The following GK5 variants were observed in gnomAD, a reference collection of about 807,000 sequenced individuals.
GK5 encodes glycerol kinase 5.
A neutral mutation model predicts 77.3 loss-of-function variants in GK5; 39 were observed. The ratio of observed to expected loss-of-function variants is 0.50; its 90% CI spans 0.39 to 0.66. The LOEUF is 0.66. Among genes scored for constraint, GK5 ranks in the 30% least tolerant of loss-of-function variants. The probability of loss-of-function intolerance (pLI) is 0.00; values close to 1 mark genes in which losing one functional copy is unlikely to be tolerated. For missense variants in GK5, 487 were observed against 633.8 expected, an observed-to-expected ratio of 0.77 and a Z score of 2.49; for synonymous variants, 211 against 208.0, an observed-to-expected ratio of 1.01 and a Z score of -0.13.
chr3:142,225,309 C>T lies in GK5; in HGVS notation c.147G>A (p.Lys49=). 1 of 1,540,170 alleles carries T rather than the reference C, an allele frequency of 6.5e-7. No individual in the cohort carries two copies. The highest frequency in any genetic ancestry group is 8.7e-7 in the Non-Finnish European group (1 of 1,143,750). Residue 49 remains lysine (K), a splice_region_variant and synonymous_variant, in exon 1 of 16, where the codon AAG becomes AAA. Coordinates refer to ENST00000392993, the MANE Select transcript of GK5 (RefSeq NM_001039547.3). Reference sequence around the variant, plus strand: ...CGCCCCACGCCCGCCCCCAAGTCACCTTCTGCACGCTGGAGCCGCAGACCC... The same window carrying T: ...CGCCCCACGCCCGCCCCCAAGTCACTTTCTGCACGCTGGAGCCGCAGACCC... ...AARVCGSSVQ[K]VENLYPQIGW...
At position 142,158,101 on chromosome 3, in the gene GK5, G is replaced by C. The variant is rs919621026; in HGVS notation, c.*7521C>G. The C allele has an allele frequency of 6.6e-6, 1 of 152,070 alleles. No individual in the cohort carries two copies. Among genetic ancestry groups the C allele is most frequent in the African/African-American group, 2.4e-5 (1 of 41,364 alleles). 9.4% of individuals were successfully genotyped at this position (152,070 alleles called of 1,614,324 possible). ...CGAGTAGCTGGGAGTACAGGCACCCGCCACCACGCCTGGCTAATTTTTTGT... is the reference window on the plus strand; with the variant it reads ...CGAGTAGCTGGGAGTACAGGCACCCCCCACCACGCCTGGCTAATTTTTTGT... On this transcript the variant is annotated 3_prime_UTR_variant, in exon 16 of 16. Coordinates refer to ENST00000392993, the MANE Select transcript of GK5 (RefSeq NM_001039547.3).
intron 5 of GK5, 150 bp from the exon 6 acceptor site, chr3:142,187,929 A>G: frequency 3.2e-6 from 2 of 615,580 alleles, no homozygotes; most frequent in Admixed American, 3.3e-5. Context: ...AAATGGTTCT[A>G]AGTGATTATT....
intron 4 of GK5, among the ~76,000 whole-genome samples, chr3:142,201,748 G>A (rs1464278113): frequency 6.6e-6 from 1 of 152,164 alleles, no homozygotes; most frequent in Non-Finnish European, 1.5e-5. Flanking sequence ...TTATACTATA[G>A]TTTTTCAAAA....
intron 5 of GK5, among the ~76,000 whole-genome samples, chr3:142,189,214 T>C (rs1340856392): frequency 7.9e-5 from 12 of 152,116 alleles, no homozygotes; most frequent in Admixed American, 6.6e-4. Flanking sequence ...ATAGCAGATG[T>C]TCCAAAAAAT....
chr3:142,204,602 C>G (rs774216995), intron 4 of GK5, 93 bp downstream of exon 4: 7 of 816,636 alleles, frequency 8.6e-6, no homozygotes, highest in Non-Finnish European at 1.3e-5. Flanking sequence ...TTCTTAATGT[C>G]CTAAAACAAA....
At chr3:142,195,764 G>A (rs2063925118) in intron 5 of GK5, among the ~76,000 whole-genome samples, 1 of 152,132 alleles carries the variant, frequency 6.6e-6, no homozygotes, top group African/African-American at 2.4e-5. Flanking sequence ...GAAAGAGCTG[G>A]GAAGTATCTC....
At chr3:142,196,243 C>A (rs937219984) in intron 5 of GK5, among the ~76,000 whole-genome samples, 1 of 151,934 alleles carries the variant, frequency 6.6e-6, no homozygotes, top group Admixed American at 6.6e-5. Context: ...TTTAGCTAAT[C>A]TTTTCAAAGA....
intron 11 of GK5, among the ~76,000 whole-genome samples, chr3:142,180,137 AT>A (rs1461062227): frequency 1.3e-5 from 2 of 152,102 alleles, no homozygotes; most frequent in African/African-American, 4.8e-5. Context: ...AGCTAAGAGT[AT>A]GGGGGGAAAT....
intron 15 of GK5, among the ~76,000 whole-genome samples, chr3:142,167,146 G>A (rs1247125883): frequency 6.6e-6 from 1 of 152,038 alleles, no homozygotes; most frequent in Non-Finnish European, 1.5e-5. Context: ...AGCCGAGGCG[G>A]GCAGATCATC....
chr3:142,215,630 T>C lies in GK5; in HGVS notation c.210A>G (p.Gln70=), dbSNP rs111228966. 340 of 1,593,236 alleles carry C rather than the reference T, an allele frequency of 2.1e-4. 3 individuals are homozygous for C. The African/African-American group carries it at 3.8e-3, about 18-fold the overall frequency. ...CTGCTTCTTTTATTACGGCAACAAA[T>C]TGAATCCAAAGAACATCAGGATCAA... ...VEIDPDVLWI[Q]FVAVIKEAVK... Residue 70 remains glutamine, a synonymous_variant, in exon 2 of 16, where the codon CAA becomes CAG. Coordinates refer to ENST00000392993, the MANE Select transcript of GK5 (RefSeq NM_001039547.3).
Position 142,158,899 on chromosome 3 carries a change from A to G in GK5, c.*6723T>C, listed in dbSNP as rs879036676. ...AGTATTAGTACCATACTCTATAATG[A>G]GCAAAGAAAGAATATGAGAACTCTT... On this transcript the variant is annotated 3_prime_UTR_variant, in exon 16 of 16. Coordinates refer to ENST00000392993, the MANE Select transcript of GK5 (RefSeq NM_001039547.3). 1 of 152,224 alleles carries G rather than the reference A, an allele frequency of 6.6e-6. No homozygotes were observed. Among genetic ancestry groups the G allele is most frequent in the South Asian group, 2.1e-4 (1 of 4,834 alleles). The allele number at this position is 152,224 out of a possible 1,614,324, so 9.4% of individuals were successfully genotyped here.
intron 5 of GK5, among the ~76,000 whole-genome samples, chr3:142,195,674 T>C (rs1168942063): frequency 6.6e-6 from 1 of 152,206 alleles, no homozygotes; most frequent in East Asian, 1.9e-4. Context: ...TTTGCATTTG[T>C]ATTCATAAGG....
chr3:142,177,436 A>T, intron 12 of GK5, 46 bp downstream of exon 12: 1 of 1,050,756 alleles, frequency 9.5e-7, no homozygotes, highest in South Asian at 1.4e-5. Flanking sequence ...ATGTGGCAGG[A>T]GGAGAAAAAT....
chr3:142,204,821 G>T, intron 3 of GK5, 33 bp from the exon 4 acceptor site: 1 of 1,176,330 alleles, frequency 8.5e-7, no homozygotes, highest in Non-Finnish European at 1.2e-6. Context: ...TTGAGACCCA[G>T]CATAAATCAG....
rs143594516 is a variant in GK5 at position 142,187,575 on chromosome 3, C to A, written c.619+129G>T. ...AGCCATGATTACACCATTGCACTCCCGCCTGGTTGACAGAGCGAGACCCTA... is the reference window on the plus strand; with the variant it reads ...AGCCATGATTACACCATTGCACTCCAGCCTGGTTGACAGAGCGAGACCCTA... On this transcript the variant is annotated intron_variant, in intron 6 of 15. Coordinates refer to ENST00000392993, the MANE Select transcript of GK5 (RefSeq NM_001039547.3). 2.1e-3 allele frequency: 1,398 copies of A among 669,636 alleles called. 11 individuals carry two copies. In the African/African-American group the frequency reaches 0.023, roughly 11 times the overall value. The allele number at this position is 669,636 out of a possible 1,614,324, so 41.5% of individuals were successfully genotyped here. A position where few individuals can be genotyped will look rare whatever the true frequency, so the allele number is the denominator to read the frequency against.
intron 5 of GK5, 26 bp from the exon 6 acceptor site, chr3:142,187,805 G>C: frequency 1.3e-6 from 2 of 1,567,056 alleles, no homozygotes; most frequent in Non-Finnish European, 1.7e-6. Context: ...GCACAAAATC[G>C]ATTCAAAAAG....
chr3:142,201,029 C>T (rs1490687478), intron 4 of GK5, among the ~76,000 whole-genome samples: 1 of 152,168 alleles, frequency 6.6e-6, no homozygotes, highest in Non-Finnish European at 1.5e-5. Context: ...ATAACTTATA[C>T]ATTGCTGATG....
In GK5 at chr3:142,160,046, C is replaced by T. The variant is rs1311918032; in HGVS notation, c.*5576G>A. The T allele has an allele frequency of 6.6e-6, 1 of 152,142 alleles. No homozygotes were observed. Among genetic ancestry groups the T allele is most frequent in the Non-Finnish European group, 1.5e-5 (1 of 68,098 alleles). 9.4% of individuals were successfully genotyped at this position (152,142 alleles called of 1,614,324 possible). A position where few individuals can be genotyped will look rare whatever the true frequency, so the allele number is the denominator to read the frequency against. ...TATTTTTAGTAGAGATGGGGTTTCACCATATTGATCAGGCTGGTCTTGAAC... is the reference window on the plus strand; with the variant it reads ...TATTTTTAGTAGAGATGGGGTTTCATCATATTGATCAGGCTGGTCTTGAAC... On this transcript the variant is annotated 3_prime_UTR_variant, in exon 16 of 16. Transcript: ENST00000392993.
intron 3 of GK5, 122 bp downstream of exon 3, chr3:142,213,404 C>T (rs2064223824): frequency 1.4e-6 from 1 of 709,006 alleles, no homozygotes; most frequent in Non-Finnish European, 2.6e-6. Context: ...CATTTCATCC[C>T]TCTTAACCAA....
Sources: allele counts gnomAD v4.1 joint callset (sites outside exome capture counted in the v4.1 genomes callset), GRCh38; gene constraint gnomAD v4.1.1; transcripts MANE v1.5; gene names NCBI Gene and HGNC (gene_info 2026-07-23, HGNC 2026-07-21).